Variants in PHACTR1 observed in about 807,000 individuals in gnomAD.
PHACTR1 encodes phosphatase and actin regulator 1, also known as RPEL repeat containing 1.
Under a neutral mutation model 69.2 loss-of-function variants are expected in PHACTR1, and 16 were observed. The observed-to-expected ratio is 0.23, with a 90% CI of 0.16 to 0.35. PHACTR1 has a LOEUF of 0.35. PHACTR1 is among the 10% of genes least tolerant of loss of function. The pLI is 1.00. For synonymous variants in PHACTR1, 312 were observed against 284.5 expected (o/e 1.10, Z -0.97); for missense variants, 510 against 734.7 (o/e 0.69, Z 3.54).
At chr6:13,023,921 A>T (rs1234965599) in intron 4 of PHACTR1, among the ~76,000 whole-genome samples, 1 of 152,206 alleles carries the variant, frequency 6.6e-6, no homozygotes, top group East Asian at 1.9e-4. Flanking sequence ...TACTAAAAAT[A>T]CAAAAATTAG....
chr6:13,132,618 A>G (rs1820640280), intron 5 of PHACTR1, among the ~76,000 whole-genome samples: 1 of 152,070 alleles, frequency 6.6e-6, no homozygotes, highest in African/African-American at 2.4e-5. Flanking sequence ...AGTCACACAC[A>G]TGTTGGTGTT....
intron 4 of PHACTR1, among the ~76,000 whole-genome samples, chr6:12,780,201 C>A (rs1770628506): frequency 1.3e-5 from 2 of 151,088 alleles, no homozygotes; most frequent in African/African-American, 4.9e-5. Context: ...GAATAAAAGC[C>A]CAAATCTAGA....
At chr6:13,124,004 G>A (rs1282052547) in intron 5 of PHACTR1, among the ~76,000 whole-genome samples, 1 of 152,162 alleles carries the variant, frequency 6.6e-6, no homozygotes, top group East Asian at 1.9e-4. Flanking sequence ...GCTGGGTGGG[G>A]GATGCAGGTC....
chr6:12,900,548 C>G (rs1211993200), intron 4 of PHACTR1, among the ~76,000 whole-genome samples: 1 of 152,120 alleles, frequency 6.6e-6, no homozygotes, highest in Non-Finnish European at 1.5e-5. Context: ...CAAAAATACA[C>G]TACGCCAGGC....
chr6:13,188,914 G>A (rs1360207881), intron 7 of PHACTR1, among the ~76,000 whole-genome samples: 1 of 152,232 alleles, frequency 6.6e-6, no homozygotes, highest in South Asian at 2.1e-4. Flanking sequence ...GAAGTGAAAT[G>A]CATCCTTCTT....
At chr6:12,771,369 G>A (rs1481889179) in intron 4 of PHACTR1, among the ~76,000 whole-genome samples, 1 of 152,104 alleles carries the variant, frequency 6.6e-6, no homozygotes, top group Non-Finnish European at 1.5e-5. Flanking sequence ...CAGAGAAGGG[G>A]GCAGATGCTC....
chr6:13,171,001 A>G (rs961467136), intron 6 of PHACTR1, among the ~76,000 whole-genome samples: 7 of 152,220 alleles, frequency 4.6e-5, no homozygotes, highest in African/African-American at 1.4e-4. Context: ...CATAAAGGAC[A>G]TAATCCCGTT....
intron 3 of PHACTR1, among the ~76,000 whole-genome samples, chr6:12,722,595 A>C (rs1185080373): frequency 6.6e-6 from 1 of 152,210 alleles, no homozygotes; most frequent in African/African-American, 2.4e-5. Context: ...ATCATGAGAA[A>C]AATTCTTTTG....
intron 7 of PHACTR1, among the ~76,000 whole-genome samples, chr6:13,190,440 G>A (rs1763419156): frequency 6.6e-6 from 1 of 152,006 alleles, no homozygotes; most frequent in East Asian, 1.9e-4. Context: ...GTCACATTGG[G>A]GGTGAGAGTT....
At chr6:13,268,497 T>G (rs1777136938) in intron 10 of PHACTR1, among the ~76,000 whole-genome samples, 1 of 152,242 alleles carries the variant, frequency 6.6e-6, no homozygotes, top group African/African-American at 2.4e-5. Context: ...TTAAAAATCT[T>G]AAGATAAAGA....
chr6:12,957,685 G>T, intron 4 of PHACTR1: 2 of 985,556 alleles, frequency 2.0e-6, no homozygotes, highest in Non-Finnish European at 2.4e-6. Flanking sequence ...CATCGTGGAG[G>T]CGGTTTTAGG....
At chr6:13,030,233 C>T (rs1457704018) in intron 4 of PHACTR1, among the ~76,000 whole-genome samples, 2 of 152,004 alleles carry the variant, frequency 1.3e-5, no homozygotes, top group Non-Finnish European at 2.9e-5. Context: ...TTTATTTGCA[C>T]TTGTTTTCTC....
At chr6:13,034,456 C>A (rs966358864) in intron 4 of PHACTR1, among the ~76,000 whole-genome samples, 1 of 152,180 alleles carries the variant, frequency 6.6e-6, no homozygotes, top group South Asian at 2.1e-4. Flanking sequence ...CCCCTCCAAA[C>A]CACTTCCTCT....
At chr6:12,798,504 A>G (rs1192224805) in intron 4 of PHACTR1, among the ~76,000 whole-genome samples, 2 of 152,200 alleles carry the variant, frequency 1.3e-5, no homozygotes, top group Non-Finnish European at 2.9e-5. Flanking sequence ...CCTAGACAGC[A>G]CTACTTAAGT....
chr6:13,042,937 G>A (rs990954971), intron 4 of PHACTR1, among the ~76,000 whole-genome samples: 11 of 152,238 alleles, frequency 7.2e-5, no homozygotes, highest in African/African-American at 2.4e-4. Context: ...AAGTAAAAGA[G>A]AACCCCACTC....
chr6:12,897,075 C>T (rs4714951), intron 4 of PHACTR1, among the ~76,000 whole-genome samples: 36,390 of 152,106 alleles, frequency 0.24, 4,722 homozygotes, highest in Middle Eastern at 0.37. Flanking sequence ...ATTTCCCCAG[C>T]AGGGATGATC....
intron 4 of PHACTR1, among the ~76,000 whole-genome samples, chr6:12,998,360 G>A (rs1211299015): frequency 6.6e-6 from 1 of 152,178 alleles, no homozygotes. Flanking sequence ...GCTCATGCCT[G>A]TAATCTCAGC....
At chr6:13,076,418 T>C (rs1014513632) in intron 5 of PHACTR1, among the ~76,000 whole-genome samples, 1 of 152,206 alleles carries the variant, frequency 6.6e-6, no homozygotes, top group African/African-American at 2.4e-5. Flanking sequence ...CACCTGTTCA[T>C]GCATGCATGC....
chr6:12,795,817 GA>G (rs1473838836), intron 4 of PHACTR1, among the ~76,000 whole-genome samples: 3 of 151,542 alleles, frequency 2.0e-5, no homozygotes, highest in Admixed American at 1.3e-4. Context: ...GGAACAGAGT[GA>G]AAATTTTCTT....
Sources: allele counts gnomAD v4.1 joint callset (sites outside exome capture counted in the v4.1 genomes callset), GRCh38; gene constraint gnomAD v4.1.1; transcripts MANE v1.5; gene names NCBI Gene and HGNC (gene_info 2026-07-23, HGNC 2026-07-21).